Variants in SMC5 observed in about 807,000 individuals in gnomAD.
The protein encoded by SMC5 is structural maintenance of chromosomes protein 5.
SMC5 carries 88 observed loss-of-function variants against 148.3 expected under a neutral mutation model. The observed-to-expected ratio is 0.59, with a 90% CI of 0.50 to 0.71. SMC5 has a LOEUF of 0.71. SMC5 is among the 30% of genes least tolerant of loss of function. SMC5 has a pLI of 0.00. For missense variants in SMC5, 1,142 were observed against 1,298.9 expected, an observed-to-expected ratio of 0.88 and a Z score of 1.86; for synonymous variants, 421 against 432.8, an observed-to-expected ratio of 0.97 and a Z score of 0.34.
chr9:70,265,517 T>C (rs1307100408), intron 2 of SMC5, among the ~76,000 whole-genome samples: 1 of 152,196 alleles, frequency 6.6e-6, no homozygotes, highest in Non-Finnish European at 1.5e-5. Context: ...TGTGCAGATA[T>C]AATCACAATG....
At position 70,267,953 on chromosome 9, in the gene SMC5, A is replaced by G. The variant is rs1416013981; in HGVS notation, c.358A>G (p.Arg120Gly). The G allele has an allele frequency of 1.9e-6, 3 of 1,613,224 alleles. No individual in the cohort carries two copies. The highest frequency in any genetic ancestry group is 1.7e-6 in the Non-Finnish European group (2 of 1,179,732). ...GTTTTTTGTGAAGAGAGGATGTTCT[A>G]GAGGCATGGTTGAAATTGAATTGTA... is the stretch of plus-strand genomic sequence containing the variant. ...VGFFVKRGCS[R>G]GMVEIELFRA... Residue 120 changes from arginine (R) to glycine (G), a missense_variant, in exon 3 of 25, where the codon AGA (arginine) becomes GGA (glycine). Physicochemically the swap from Arg to Gly is moderately radical, Grantham distance 125. Coordinates refer to ENST00000361138, the MANE Select transcript of SMC5 (RefSeq NM_015110.4).
intron 9 of SMC5, among the ~76,000 whole-genome samples, chr9:70,298,759 G>A (rs1167173927): frequency 6.6e-6 from 1 of 151,148 alleles, no homozygotes; most frequent in Admixed American, 6.6e-5. Context: ...AGAAGAACTA[G>A]AAGGATAGAA....
intron 10 of SMC5, 21 bp downstream of exon 10, chr9:70,300,221 TGG>T: frequency 6.4e-7 from 1 of 1,568,358 alleles, no homozygotes; most frequent in South Asian, 1.2e-5. Flanking sequence ...TTGTTCATCT[TGG>T]TAGTATTGGT....
At chr9:70,291,006 T>G (rs11142352) in intron 8 of SMC5, among the ~76,000 whole-genome samples, 9,806 of 152,288 alleles carry the variant, frequency 0.064, 431 homozygotes, top group Non-Finnish European at 0.095. Context: ...TTGTTGAAAC[T>G]GAACAGTTTA....
intron 4 of SMC5, among the ~76,000 whole-genome samples, chr9:70,278,136 A>G (rs1345495658): frequency 6.6e-6 from 1 of 152,034 alleles, no homozygotes; most frequent in Non-Finnish European, 1.5e-5. Context: ...GATGTTTGAA[A>G]TTGCCTTTTT....
chr9:70,340,796 CT>C (rs1262799579), intron 17 of SMC5, among the ~76,000 whole-genome samples: 6 of 152,080 alleles, frequency 3.9e-5, no homozygotes, highest in Admixed American at 3.9e-4. Context: ...CTTAGAAAAG[CT>C]TTTTCTTGTT....
chr9:70,307,184 G>A (rs917023940), intron 11 of SMC5, among the ~76,000 whole-genome samples: 7 of 152,210 alleles, frequency 4.6e-5, no homozygotes, highest in African/African-American at 1.7e-4. Flanking sequence ...CTTGAGGTCA[G>A]AAGTTCGAGA....
At chr9:70,298,573 G>A (rs1481951590) in intron 9 of SMC5, among the ~76,000 whole-genome samples, 3 of 152,036 alleles carry the variant, frequency 2.0e-5, no homozygotes, top group Admixed American at 2.0e-4. Context: ...CTTGAAACCT[G>A]TCCAATTTCA....
chr9:70,308,590 C>CAAAA (rs59441324), intron 11 of SMC5, among the ~76,000 whole-genome samples: 25 of 72,252 alleles, frequency 3.5e-4, no homozygotes, highest in Non-Finnish European at 4.9e-4. Flanking sequence ...GACTCTGTCT[C>CAAAA]AAAAAAAAAA....
chr9:70,299,938 G>A (rs189151678), intron 9 of SMC5, 108 bp from the exon 10 acceptor site: 1 of 919,584 alleles, frequency 1.1e-6, no homozygotes, highest in Non-Finnish European at 1.5e-6. Context: ...CTTGCTGAGT[G>A]GTGTTTGTAA....
chr9:70,302,277 C>G (rs1220866977), intron 10 of SMC5, among the ~76,000 whole-genome samples: 2 of 151,940 alleles, frequency 1.3e-5, no homozygotes, highest in Non-Finnish European at 2.9e-5. Flanking sequence ...GGGGGTGGAA[C>G]GAGGTCAGAA....
chr9:70,279,489 A>G (rs1278631733), intron 5 of SMC5, among the ~76,000 whole-genome samples: 2 of 151,970 alleles, frequency 1.3e-5, no homozygotes, highest in Non-Finnish European at 2.9e-5. Context: ...ACTGCATTCC[A>G]GCCTGGGTGA....
At chr9:70,260,592 T>C (rs2034091868) in intron 1 of SMC5, among the ~76,000 whole-genome samples, 1 of 152,232 alleles carries the variant, frequency 6.6e-6, no homozygotes, top group East Asian at 1.9e-4. Flanking sequence ...TTGCCCAGTT[T>C]TACGCAGCTG....
chr9:70,279,495 G>T (rs899304445), intron 5 of SMC5, among the ~76,000 whole-genome samples: 18 of 151,598 alleles, frequency 1.2e-4, no homozygotes, highest in Non-Finnish European at 4.4e-5. Context: ...TTCCAGCCTG[G>T]GTGACAGAGC....
chr9:70,320,173 A>G (rs1218480282), intron 15 of SMC5, among the ~76,000 whole-genome samples: 6 of 152,244 alleles, frequency 3.9e-5, no homozygotes, highest in Non-Finnish European at 8.8e-5. Flanking sequence ...CAACATTTAT[A>G]CTTTTGAATA....
chr9:70,286,717 C>CTTTTTTTTT (rs34919823), intron 8 of SMC5: 1 of 117,460 alleles, frequency 8.5e-6, no homozygotes, highest in African/African-American at 3.3e-5. Flanking sequence ...AACTTTTCGT[C>CTTTTTTTTT]TTTTTTTTTT....
chr9:70,352,249 C>G lies in SMC5; in HGVS notation c.3224C>G (p.Pro1075Arg). The G allele has an allele frequency of 6.2e-7, 1 of 1,613,782 alleles. No individual in the cohort carries two copies. The highest frequency in any genetic ancestry group is 8.5e-7 in the Non-Finnish European group (1 of 1,179,858). ...ACAGTTTTGTTTGTCTACAATGGCC[C>G]TCATATGCTGGAACCAAACACATGG... ...KMTVLFVYNG[P>R]HMLEPNTWNL... Residue 1075 changes from proline (P) to arginine (R), a missense_variant, in exon 25 of 25, where the codon CCT becomes CGT. Coordinates refer to ENST00000361138, the MANE Select transcript of SMC5 (RefSeq NM_015110.4).
intron 5 of SMC5, among the ~76,000 whole-genome samples, chr9:70,279,286 C>A (rs1447698263): frequency 6.6e-6 from 1 of 151,770 alleles, no homozygotes; most frequent in Non-Finnish European, 1.5e-5. Context: ...GAGACTGATT[C>A]GGGAGAATCG....
chr9:70,324,926 G>C (rs1420797135), intron 17 of SMC5, among the ~76,000 whole-genome samples: 1 of 152,260 alleles, frequency 6.6e-6, no homozygotes, highest in Non-Finnish European at 1.5e-5. Flanking sequence ...CTCTTTTCTT[G>C]TGCAGTTAGG....
Sources: gnomAD v4.1 joint callset for allele counts (sites outside exome capture counted in the v4.1 genomes callset) on GRCh38, gnomAD v4.1.1 for gene constraint, MANE v1.5 for transcripts, NCBI Gene and HGNC (gene_info 2026-07-23, HGNC 2026-07-21) for gene names.